AFF3: variants seen among roughly 807,000 people sequenced by gnomAD.
The protein encoded by AFF3 is AF4/FMR2 family member 3.
In AFF3, 32 loss-of-function variants were observed where a neutral mutation model predicts 129.7. The observed-to-expected ratio is 0.25, with a 90% CI of 0.19 to 0.33. AFF3 has a LOEUF of 0.33. Among genes scored for constraint, AFF3 ranks in the 10% least tolerant of loss-of-function variants. The pLI is 1.00. For synonymous variants in AFF3, 644 were observed against 635.4 expected (o/e 1.01, Z -0.20); for missense variants, 1,373 against 1,592.0 (o/e 0.86, Z 2.34).
intron 7 of AFF3, among the ~76,000 whole-genome samples, chr2:99,952,963 G>A (rs996418336): frequency 6.6e-6 from 1 of 152,186 alleles, no homozygotes; most frequent in Non-Finnish European, 1.5e-5. Context: ...ACTCCGCTGA[G>A]TAAGAGGATT....
At chr2:99,742,577 C>A (rs1367977020) in intron 10 of AFF3, among the ~76,000 whole-genome samples, 1 of 152,128 alleles carries the variant, frequency 6.6e-6, no homozygotes, top group African/African-American at 2.4e-5. Flanking sequence ...AGTCCTTGGA[C>A]AATAATTCAA....
intron 7 of AFF3, among the ~76,000 whole-genome samples, chr2:99,939,692 T>C (rs913364727): frequency 6.6e-6 from 1 of 152,226 alleles, no homozygotes; most frequent in Non-Finnish European, 1.5e-5. Context: ...CAGGAATGTA[T>C]ATGGCGATTT....
intron 2 of AFF3, among the ~76,000 whole-genome samples, chr2:100,114,421 A>G (rs1372067421): frequency 6.6e-6 from 1 of 152,160 alleles, no homozygotes; most frequent in African/African-American, 2.4e-5. Context: ...TCGTTCTGCC[A>G]CCCAGGCTAG....
intron 12 of AFF3, among the ~76,000 whole-genome samples, chr2:99,654,558 A>G (rs1685575105): frequency 6.6e-6 from 1 of 152,236 alleles, no homozygotes; most frequent in African/African-American, 2.4e-5. Flanking sequence ...GCCCAATTTC[A>G]TTCCTTCAAG....
At chr2:99,655,575 G>T (rs1232617856) in intron 12 of AFF3, among the ~76,000 whole-genome samples, 1 of 152,124 alleles carries the variant, frequency 6.6e-6, no homozygotes, top group Non-Finnish European at 1.5e-5. Context: ...CAGCAGCAGA[G>T]CAAGATGAGG....
chr2:99,881,353 C>A (rs1692700326), intron 7 of AFF3, among the ~76,000 whole-genome samples: 1 of 150,910 alleles, frequency 6.6e-6, no homozygotes, highest in Admixed American at 6.6e-5. Flanking sequence ...CCTAATGAGC[C>A]CTCAAAATGT....
chr2:99,857,176 A>G (rs908604031), intron 7 of AFF3, among the ~76,000 whole-genome samples: 1 of 152,098 alleles, frequency 6.6e-6, no homozygotes. Flanking sequence ...ATCATCTTTC[A>G]CTCTAAATAA....
intron 7 of AFF3, among the ~76,000 whole-genome samples, chr2:99,848,154 G>A (rs1689871073): frequency 1.3e-5 from 2 of 152,058 alleles, no homozygotes; most frequent in African/African-American, 2.4e-5. Flanking sequence ...GGAGGCTGAG[G>A]TGGGAGAATC....
At chr2:99,601,687 C>A in intron 13 of AFF3, 66 bp from the exon 14 acceptor site, 2 of 1,539,400 alleles carry the variant, frequency 1.3e-6, no homozygotes, top group Non-Finnish European at 1.7e-6. Context: ...CAGGAAAACA[C>A]CACCAAGCTG....
intron 7 of AFF3, among the ~76,000 whole-genome samples, chr2:99,906,113 G>A (rs1029262629): frequency 1.3e-5 from 2 of 152,046 alleles, no homozygotes; most frequent in Non-Finnish European, 2.9e-5. Flanking sequence ...ATTTCTGGAC[G>A]CCATTCTAAA....
chr2:99,976,025 G>C (rs778324171), intron 7 of AFF3, among the ~76,000 whole-genome samples: 1 of 152,144 alleles, frequency 6.6e-6, no homozygotes, highest in Admixed American at 6.5e-5. Flanking sequence ...CACCAGAAGA[G>C]CTCATTTTCC....
intron 7 of AFF3, among the ~76,000 whole-genome samples, chr2:99,858,451 T>G (rs889865991): frequency 7.3e-5 from 11 of 150,900 alleles, no homozygotes; most frequent in African/African-American, 2.7e-4. Context: ...CTCTGGAGAC[T>G]GAGGTGGGAG....
Position 99,880,790 on chromosome 2 carries a change from G to A in AFF3, c.874-43266C>T, listed in dbSNP as rs1055214594. Among the ~76,000 whole-genome samples, 15 of 152,294 alleles carry A rather than the reference G, an allele frequency of 9.8e-5. No individual in the cohort carries two copies. In the South Asian group the frequency reaches 1.7e-3, roughly 17 times the overall value. Reference sequence around the variant, plus strand: ...GCAAGGAGATCAGAGAGGAAAGAACGGGCATCTGTATGTGGCGACAGATGA... The same window carrying A: ...GCAAGGAGATCAGAGAGGAAAGAACAGGCATCTGTATGTGGCGACAGATGA... On this transcript the variant is annotated intron_variant, in intron 7 of 24. Transcript: ENST00000672756.
chr2:99,624,110 A>G (rs1682318913), intron 13 of AFF3, among the ~76,000 whole-genome samples: 1 of 152,166 alleles, frequency 6.6e-6, no homozygotes, highest in African/African-American at 2.4e-5. Flanking sequence ...CCTCTAAAAG[A>G]AAATGCCCAA....
intron 7 of AFF3, among the ~76,000 whole-genome samples, chr2:99,928,043 A>T (rs565844206): frequency 0.012 from 1,846 of 152,270 alleles, 30 homozygotes; most frequent in African/African-American, 0.032. Context: ...TGCCATCCAC[A>T]TAAGATGTGA....
chr2:99,694,791 C>T (rs1312795237), intron 11 of AFF3, among the ~76,000 whole-genome samples: 2 of 152,160 alleles, frequency 1.3e-5, no homozygotes, highest in Non-Finnish European at 2.9e-5. Context: ...ACTGAAACCT[C>T]AGCCTCCTGG....
chr2:99,578,006 A>G (rs1245021922), intron 18 of AFF3, among the ~76,000 whole-genome samples: 1 of 152,234 alleles, frequency 6.6e-6, no homozygotes, highest in African/African-American at 2.4e-5. Flanking sequence ...TAGTAGCATA[A>G]AACCGCCAAC....
chr2:99,566,618 C>T (rs576037216), intron 19 of AFF3, among the ~76,000 whole-genome samples: 1 of 152,304 alleles, frequency 6.6e-6, no homozygotes, highest in East Asian at 1.9e-4. Flanking sequence ...TCTTTCCCCA[C>T]ATCAGCAAGG....
intron 10 of AFF3, among the ~76,000 whole-genome samples, chr2:99,743,396 G>T (rs1680880560): frequency 6.6e-6 from 1 of 152,162 alleles, no homozygotes; most frequent in Non-Finnish European, 1.5e-5. Context: ...ATTGGCAAGG[G>T]GTGCTCTTAG....
Sources: allele counts gnomAD v4.1 joint callset (sites outside exome capture counted in the v4.1 genomes callset), GRCh38; gene constraint gnomAD v4.1.1; transcripts MANE v1.5; gene names NCBI Gene and HGNC (gene_info 2026-07-23, HGNC 2026-07-21).